The following DLGAP2 variants were observed in gnomAD, a reference collection of about 807,000 sequenced individuals.
The protein encoded by DLGAP2 is disks large-associated protein 2.
A neutral mutation model predicts 100.3 loss-of-function variants in DLGAP2; 26 were observed. The ratio of observed to expected loss-of-function variants is 0.26; its 90% CI spans 0.19 to 0.36. The LOEUF (loss-of-function observed/expected upper bound fraction) is 0.36, where lower values mean the gene tolerates loss of function less well. Among genes scored for constraint, DLGAP2 ranks in the 10% least tolerant of loss-of-function variants. DLGAP2 has a pLI of 1.00. For missense variants in DLGAP2, 1,858 were observed against 1,453.2 expected (o/e 1.28, Z -4.53); for synonymous variants, 886 against 630.1 (o/e 1.41, Z -6.08).
chr8:1,634,112 C>G (rs912042241), intron 8 of DLGAP2, among the ~76,000 whole-genome samples: 1 of 152,218 alleles, frequency 6.6e-6, no homozygotes, highest in African/African-American at 2.4e-5. Context: ...GAACTGTGTT[C>G]AAACCGTGTT....
intron 2 of DLGAP2, among the ~76,000 whole-genome samples, chr8:1,215,977 C>G (rs78425364): frequency 8.1e-5 from 12 of 148,810 alleles, no homozygotes; most frequent in East Asian, 2.1e-4. Context: ...CCAGGTACCT[C>G]GATGGGTTCA....
intron 2 of DLGAP2, among the ~76,000 whole-genome samples, chr8:953,763 A>G (rs1799535679): frequency 6.6e-6 from 1 of 152,174 alleles, no homozygotes; most frequent in Non-Finnish European, 1.5e-5. Context: ...ACGCTGTCAC[A>G]GTGAAATTGA....
At chr8:1,480,821 A>G (rs1799070863) in intron 3 of DLGAP2, among the ~76,000 whole-genome samples, 2 of 151,502 alleles carry the variant, frequency 1.3e-5, no homozygotes, top group African/African-American at 2.4e-5. Context: ...AGCTGAGATC[A>G]CGCCATTGCA....
At chr8:1,424,903 G>A (rs1797197664) in intron 3 of DLGAP2, among the ~76,000 whole-genome samples, 1 of 152,194 alleles carries the variant, frequency 6.6e-6, no homozygotes, top group Non-Finnish European at 1.5e-5. Context: ...TGTTTAATGG[G>A]GCAGAGCTTC....
chr8:1,494,418 G>A (rs375427699), intron 3 of DLGAP2, among the ~76,000 whole-genome samples: 60 of 152,256 alleles, frequency 3.9e-4, no homozygotes, highest in African/African-American at 1.3e-3. Context: ...TGGCATTCAC[G>A]GGGCAGGTCT....
Position 1,229,270 on chromosome 8 carries a change from A to AT in DLGAP2, c.74-29568dup, listed in dbSNP as rs201952917. Among the ~76,000 whole-genome samples the AT allele has an allele frequency of 8.6e-3, 1,240 of 144,866 alleles. 12 individuals carry two copies. The highest frequency in any genetic ancestry group is 0.041 in the South Asian group (189 of 4,572). On this transcript the variant is annotated intron_variant, in intron 2 of 14. Transcript: ENST00000637795. ...TAGAAAGAGGAGTTCTTCTACCTTGATTTTTTTTTTTTTGGAATAGTTTTA... is the reference window on the plus strand; with the variant it reads ...TAGAAAGAGGAGTTCTTCTACCTTGATTTTTTTTTTTTTTGGAATAGTTTTA...
intron 3 of DLGAP2, among the ~76,000 whole-genome samples, chr8:1,346,791 A>T (rs1267749002): frequency 2.4e-5 from 3 of 123,226 alleles, no homozygotes; most frequent in East Asian, 2.6e-4. Flanking sequence ...ACTGCTTTGA[A>T]CTCATGGTAG....
At chr8:1,226,767 C>T (rs79403778) in intron 2 of DLGAP2, among the ~76,000 whole-genome samples, 3,782 of 152,044 alleles carry the variant, frequency 0.025, 62 homozygotes, top group African/African-American at 0.035. Flanking sequence ...GTGTAATCCT[C>T]AGTAAACATC....
intron 5 of DLGAP2, among the ~76,000 whole-genome samples, chr8:1,564,509 T>C (rs1802316363): frequency 6.6e-6 from 1 of 152,206 alleles, no homozygotes; most frequent in African/African-American, 2.4e-5. Context: ...ACAGGGGGGT[T>C]ATATGTATGG....
intron 2 of DLGAP2, among the ~76,000 whole-genome samples, chr8:1,100,905 G>C (rs937298731): frequency 2.0e-5 from 3 of 152,170 alleles, no homozygotes; most frequent in Non-Finnish European, 4.4e-5. Context: ...AGCATTTCAA[G>C]TGCTTTATAG....
At chr8:1,007,334 C>T (rs1801148714) in intron 2 of DLGAP2, among the ~76,000 whole-genome samples, 1 of 152,322 alleles carries the variant, frequency 6.6e-6, no homozygotes, top group Admixed American at 6.5e-5. Context: ...CAGGTGCCCA[C>T]GTCTCACTCT....
intron 2 of DLGAP2, among the ~76,000 whole-genome samples, chr8:948,798 G>A (rs1799399332): frequency 6.6e-6 from 1 of 152,260 alleles, no homozygotes; most frequent in Non-Finnish European, 1.5e-5. Context: ...ACTGCCTTTC[G>A]CCATGAGTGA....
At chr8:1,186,621 A>T in intron 2 of DLGAP2, among the ~76,000 whole-genome samples, 1 of 150,716 alleles carries the variant, frequency 6.6e-6, no homozygotes, top group Non-Finnish European at 1.5e-5. Flanking sequence ...CTGAGCTGAT[A>T]CTCCACTCCG....
At chr8:840,791 C>T (rs1051157217) in intron 1 of DLGAP2, among the ~76,000 whole-genome samples, 7 of 152,246 alleles carry the variant, frequency 4.6e-5, no homozygotes, top group Non-Finnish European at 5.9e-5. Context: ...ACGGTACATG[C>T]CTGCACGTCT....
intron 2 of DLGAP2, among the ~76,000 whole-genome samples, chr8:976,019 T>C (rs1800153754): frequency 6.6e-6 from 1 of 152,204 alleles, no homozygotes; most frequent in African/African-American, 2.4e-5. Flanking sequence ...AAGGTTATTA[T>C]ACAGAAGTCA....
chr8:1,132,593 C>A (rs1239647059), intron 2 of DLGAP2, among the ~76,000 whole-genome samples: 1 of 152,242 alleles, frequency 6.6e-6, no homozygotes, highest in Non-Finnish European at 1.5e-5. Context: ...ACTCGCCCAA[C>A]ACAGTAAAGC....
At chr8:1,190,251 C>G (rs1326851144) in intron 2 of DLGAP2, among the ~76,000 whole-genome samples, 4 of 152,216 alleles carry the variant, frequency 2.6e-5, no homozygotes, top group Admixed American at 2.6e-4. Context: ...TCCAAGTCCA[C>G]GGCACTCCCC....
chr8:1,549,181 C>T lies in DLGAP2; in HGVS notation c.728C>T (p.Ser243Leu), dbSNP rs751411611. The change falls in exon 5 of 15, where the codon TCG (serine) becomes TTG (leucine). Residue 243 changes from serine to leucine, a missense_variant. Coordinates refer to ENST00000637795, the MANE Select transcript of DLGAP2 (RefSeq NM_001346810.2). ...VHSVQKLFTKSHSLEGSSKSN... is the reference protein window; with the variant it reads ...VHSVQKLFTKLHSLEGSSKSN... ...TCCGTGCAGAAGCTCTTCACCAAGT[C>T]GCACTCGCTGGAGGGCTCCTCCAAA... The T allele has an allele frequency of 3.8e-6, 6 of 1,598,884 alleles. No homozygotes were observed. The South Asian group carries it at 4.5e-5, about 12-fold the overall frequency.
intron 3 of DLGAP2, among the ~76,000 whole-genome samples, chr8:1,415,672 G>A (rs79501128): frequency 3.0e-4 from 46 of 152,294 alleles, no homozygotes; most frequent in African/African-American, 7.2e-4. Flanking sequence ...ATAGAATTTC[G>A]TGGTGTATAG....
Sources: allele counts gnomAD v4.1 joint callset (sites outside exome capture counted in the v4.1 genomes callset), GRCh38; gene constraint gnomAD v4.1.1; transcripts MANE v1.5; gene names NCBI Gene and HGNC (gene_info 2026-07-23, HGNC 2026-07-21).